TBCA: variants seen among roughly 807,000 people sequenced by gnomAD.
The protein encoded by TBCA is tubulin folding cofactor A, also known as tubulin-specific chaperone A.
TBCA carries 6 observed loss-of-function variants against 15.8 expected under a neutral mutation model. That is an observed-to-expected ratio of 0.38 (90% CI 0.21 to 0.75). The LOEUF is 0.75. Among genes scored for constraint, TBCA ranks in the 30% least tolerant of loss-of-function variants. The pLI is 0.46. For missense variants in TBCA, 90 were observed against 131.2 expected (o/e 0.69, Z 1.53); for synonymous variants, 32 against 42.3 (o/e 0.76, Z 0.94).
intron 1 of TBCA, among the ~76,000 whole-genome samples, chr5:77,716,544 G>A (rs1185843536): frequency 6.6e-6 from 1 of 152,098 alleles, no homozygotes; most frequent in Non-Finnish European, 1.5e-5. Context: ...CATGCTAAAT[G>A]CCATATATAT....
intron 1 of TBCA, among the ~76,000 whole-genome samples, chr5:77,719,922 C>G (rs1204547508): frequency 6.6e-6 from 1 of 152,142 alleles, no homozygotes; most frequent in Non-Finnish European, 1.5e-5. Flanking sequence ...GCACCTCCCA[C>G]AGCTGCTTCA....
At chr5:77,771,679 C>A (rs894527996) in intron 1 of TBCA, among the ~76,000 whole-genome samples, 2 of 152,202 alleles carry the variant, frequency 1.3e-5, no homozygotes, top group African/African-American at 4.8e-5. Context: ...GGATCTCCTA[C>A]ACGCCAAATA....
chr5:77,701,826 T>C (rs1746026294), intron 2 of TBCA, among the ~76,000 whole-genome samples: 1 of 150,728 alleles, frequency 6.6e-6, no homozygotes, highest in Admixed American at 6.6e-5. Context: ...ACTCAGTATA[T>C]ATAGATATAT....
At chr5:77,701,438 G>T (rs1183504428) in intron 2 of TBCA, among the ~76,000 whole-genome samples, 5 of 151,786 alleles carry the variant, frequency 3.3e-5, no homozygotes, top group African/African-American at 4.8e-5. Flanking sequence ...GTGGTGAACA[G>T]GGAACAACTT....
At chr5:77,702,427 G>A (rs1201952491) in intron 2 of TBCA, among the ~76,000 whole-genome samples, 1 of 152,164 alleles carries the variant, frequency 6.6e-6, no homozygotes, top group African/African-American at 2.4e-5. Flanking sequence ...AATTTTAAAA[G>A]GTTACATACT....
chr5:77,739,431 A>G (rs997366882), intron 1 of TBCA, among the ~76,000 whole-genome samples: 20 of 152,324 alleles, frequency 1.3e-4, no homozygotes, highest in Admixed American at 1.0e-3. Flanking sequence ...ACTGCACTCT[A>G]AACAGAGTGA....
intron 2 of TBCA, among the ~76,000 whole-genome samples, chr5:77,706,826 AAAG>A (rs1414849098): frequency 6.5e-4 from 98 of 150,602 alleles, no homozygotes; most frequent in Non-Finnish European, 1.3e-3. Context: ...AAAAAAAAAA[AAAG>A]AAAGAAAGAA....
intron 1 of TBCA, among the ~76,000 whole-genome samples, chr5:77,749,860 C>A (rs562294440): frequency 1.3e-5 from 2 of 151,954 alleles, no homozygotes. Context: ...ATGTCCATTC[C>A]GAATACTTTG....
chr5:77,770,740 A>C (rs372027904), intron 1 of TBCA, among the ~76,000 whole-genome samples: 2 of 99,306 alleles, frequency 2.0e-5, no homozygotes, highest in Non-Finnish European at 4.2e-5. Context: ...AAAAAAAAAG[A>C]AAAAAAACAA....
At chr5:77,768,226 A>T (rs1747829993) in intron 1 of TBCA, among the ~76,000 whole-genome samples, 1 of 152,238 alleles carries the variant, frequency 6.6e-6, no homozygotes, top group Non-Finnish European at 1.5e-5. Context: ...TAATAATGAG[A>T]GCAGTTAGCA....
chr5:77,702,032 C>G (rs1746031053), intron 2 of TBCA, among the ~76,000 whole-genome samples: 1 of 151,790 alleles, frequency 6.6e-6, no homozygotes, highest in Non-Finnish European at 1.5e-5. Flanking sequence ...CTTGGGGACT[C>G]AGAGGGAAAG....
chr5:77,697,994 T>C (rs1333995133), intron 2 of TBCA, among the ~76,000 whole-genome samples: 1 of 151,772 alleles, frequency 6.6e-6, no homozygotes, highest in Non-Finnish European at 1.5e-5. Flanking sequence ...GTGACACACA[T>C]CTGTAGTCTC....
At chr5:77,760,996 C>T (rs185207623) in intron 1 of TBCA, among the ~76,000 whole-genome samples, 1 of 150,400 alleles carries the variant, frequency 6.6e-6, no homozygotes, top group African/African-American at 2.5e-5. Context: ...TGCCCGGCCG[C>T]CACCCCGTCT....
intron 2 of TBCA, among the ~76,000 whole-genome samples, chr5:77,705,878 T>C (rs549397863): frequency 6.6e-6 from 1 of 152,276 alleles, no homozygotes; most frequent in South Asian, 2.1e-4. Flanking sequence ...ATACTATATC[T>C]ACACATCTGT....
chr5:77,766,341 A>T lies in TBCA; in HGVS notation c.53+9864T>A, dbSNP rs192123020. On this transcript the variant is annotated intron_variant, in intron 1 of 3. Transcript: ENST00000380377. ...TCTCTTCCTAGTTTAAAAAATGTAAAATTGTTGCTTTTAAACAAATCCTTG... is the reference window on the plus strand; with the variant it reads ...TCTCTTCCTAGTTTAAAAAATGTAATATTGTTGCTTTTAAACAAATCCTTG... 2.8e-3 allele frequency among the ~76,000 whole-genome samples: 427 copies of T among 152,188 alleles called. 3 individuals are homozygous for T. Among genetic ancestry groups the T allele is most frequent in the Non-Finnish European group, 5.1e-3 (347 of 68,004 alleles).
chr5:77,743,433 G>C (rs164813), intron 1 of TBCA, among the ~76,000 whole-genome samples: 57,937 of 152,098 alleles, frequency 0.38, 11,085 homozygotes, highest in South Asian at 0.41. Flanking sequence ...AGAGAAAGCT[G>C]GAAGAGTCAT....
intron 1 of TBCA, among the ~76,000 whole-genome samples, chr5:77,753,891 T>C (rs141260161): frequency 6.6e-6 from 1 of 152,276 alleles, no homozygotes; most frequent in African/African-American, 2.4e-5. Flanking sequence ...CATGAGTAGC[T>C]GGGATTACAG....
At chr5:77,741,674 T>C (rs957422477) in intron 1 of TBCA, among the ~76,000 whole-genome samples, 1 of 152,220 alleles carries the variant, frequency 6.6e-6, no homozygotes, top group Non-Finnish European at 1.5e-5. Flanking sequence ...GGAAACCGAA[T>C]ATTTAATGAA....
At chr5:77,763,458 G>A (rs955086804) in intron 1 of TBCA, among the ~76,000 whole-genome samples, 7 of 152,096 alleles carry the variant, frequency 4.6e-5, no homozygotes, top group East Asian at 1.9e-4. Context: ...CATTGCAAGC[G>A]ACTAAATGTT....
Sources: gnomAD v4.1 joint callset for allele counts (sites outside exome capture counted in the v4.1 genomes callset) on GRCh38, gnomAD v4.1.1 for gene constraint, MANE v1.5 for transcripts, NCBI Gene and HGNC (gene_info 2026-07-23, HGNC 2026-07-21) for gene names.